Variants in KCNIP4 observed in about 807,000 individuals in gnomAD.
KCNIP4 encodes the protein potassium voltage-gated channel interacting protein 4.
A neutral mutation model predicts 34.0 loss-of-function variants in KCNIP4; 12 were observed. That is an observed-to-expected ratio of 0.35 (90% CI 0.23 to 0.57). The LOEUF (loss-of-function observed/expected upper bound fraction) is 0.57. Among genes scored for constraint, KCNIP4 ranks in the 20% least tolerant of loss-of-function variants. The pLI is 0.83. For synonymous variants in KCNIP4, 124 were observed against 102.2 expected, an observed-to-expected ratio of 1.21 and a Z score of -1.29; for missense variants, 238 against 311.7, an observed-to-expected ratio of 0.76 and a Z score of 1.78.
chr4:20,920,113 T>C (rs1215362964), intron 1 of KCNIP4, among the ~76,000 whole-genome samples: 1 of 152,234 alleles, frequency 6.6e-6, no homozygotes, highest in Non-Finnish European at 1.5e-5. Flanking sequence ...AATTTTCATA[T>C]ATTGAAATTT....
chr4:21,269,026 A>G (rs1426825986), intron 1 of KCNIP4, among the ~76,000 whole-genome samples: 2 of 152,206 alleles, frequency 1.3e-5, no homozygotes, highest in Non-Finnish European at 2.9e-5. Flanking sequence ...ACAAGATGGT[A>G]TGTCAAGGGG....
At chr4:21,661,818 G>T (rs1748476648) in intron 1 of KCNIP4, among the ~76,000 whole-genome samples, 1 of 152,116 alleles carries the variant, frequency 6.6e-6, no homozygotes, top group Non-Finnish European at 1.5e-5. Context: ...AAAAATGAAA[G>T]AAAAGATAAA....
chr4:21,110,466 G>A (rs530399373), intron 1 of KCNIP4, among the ~76,000 whole-genome samples: 15 of 152,334 alleles, frequency 9.8e-5, no homozygotes, highest in African/African-American at 2.9e-4. Context: ...GGGAGTCATC[G>A]TGTCAAACTT....
rs142118911 is a variant in KCNIP4 at position 21,897,133 on chromosome 4, T to C, written c.61+51438A>G. Among the ~76,000 whole-genome samples the C allele has an allele frequency of 8.7e-3, 1,327 of 152,246 alleles. 15 individuals carry two copies. The highest frequency in any genetic ancestry group is 0.034 in the South Asian group (163 of 4,826). The stretch of plus-strand genomic sequence containing the variant: ...AGACTTTAAAATTTATGCTTTACTT[T>C]TACTATAAGAGAACAGTATGCCCTT... On this transcript the variant is annotated intron_variant, in intron 1 of 8. Coordinates refer to ENST00000382152, the MANE Select transcript of KCNIP4 (RefSeq NM_025221.6).
chr4:21,472,608 C>T (rs1730567081), intron 1 of KCNIP4, among the ~76,000 whole-genome samples: 1 of 152,078 alleles, frequency 6.6e-6, no homozygotes, highest in Admixed American at 6.6e-5. Flanking sequence ...GTTTTTCACT[C>T]ATGAGTTTTG....
chr4:21,052,045 A>C (rs1442374636), intron 1 of KCNIP4, among the ~76,000 whole-genome samples: 1 of 152,172 alleles, frequency 6.6e-6, no homozygotes, highest in Non-Finnish European at 1.5e-5. Context: ...AAATAAAGAG[A>C]CCATTAGTGA....
chr4:21,204,320 T>C (rs753032448), intron 1 of KCNIP4, among the ~76,000 whole-genome samples: 8 of 152,188 alleles, frequency 5.3e-5, no homozygotes, highest in Non-Finnish European at 1.2e-4. Context: ...CTGGACTTCC[T>C]TGAGACTTAG....
intron 2 of KCNIP4, among the ~76,000 whole-genome samples, chr4:20,864,309 T>G (rs572481714): frequency 1.8e-4 from 27 of 151,362 alleles, no homozygotes; most frequent in Admixed American, 3.3e-4. Context: ...TGTATGCATA[T>G]ATACATACGT....
At chr4:20,851,867 C>T (rs1450967285) in intron 2 of KCNIP4, among the ~76,000 whole-genome samples, 2 of 152,250 alleles carry the variant, frequency 1.3e-5, no homozygotes, top group East Asian at 3.9e-4. Flanking sequence ...ATAATGTTCA[C>T]TAAGGATTCC....
At chr4:21,430,758 G>T (rs1276597047) in intron 1 of KCNIP4, among the ~76,000 whole-genome samples, 1 of 139,294 alleles carries the variant, frequency 7.2e-6, no homozygotes, top group South Asian at 2.1e-4. Flanking sequence ...ACTTACCCAA[G>T]GTCATTGAGG....
rs143205507 is a variant in KCNIP4, at chr4:20,747,387, A to G, written c.429+2275T>C. Among the ~76,000 whole-genome samples the G allele has an allele frequency of 3.9e-3, 595 of 152,312 alleles. 6 individuals carry two copies. The highest frequency in any genetic ancestry group is 0.013 in the African/African-American group (559 of 41,566). ...AAAACCTTTGGCTTCTATATTATAG[A>G]TAAATTAAGACTGTGCTGGAATTAA... On this transcript the variant is annotated intron_variant, in intron 5 of 8. Coordinates refer to ENST00000382152, the MANE Select transcript of KCNIP4 (RefSeq NM_025221.6).
In KCNIP4 at chr4:21,920,337, G is replaced by A. The variant is rs957457451; in HGVS notation, c.61+28234C>T. On this transcript the variant is annotated intron_variant, in intron 1 of 8. Transcript: ENST00000382152. The stretch of plus-strand genomic sequence containing the variant: ...ACTAAATATGTACAGACTTTTATGT[G>A]TCATCATTTCCTAAACTATATAGAA... Among the ~76,000 whole-genome samples the A allele has an allele frequency of 2.0e-5, 3 of 152,118 alleles. No homozygotes were observed. In the South Asian group the frequency reaches 6.2e-4, roughly 32 times the overall value.
intron 1 of KCNIP4, among the ~76,000 whole-genome samples, chr4:21,824,235 C>T (rs908652549): frequency 1.3e-5 from 2 of 152,206 alleles, no homozygotes; most frequent in Admixed American, 6.5e-5. Context: ...AATTTTGAAA[C>T]GAAGATCATA....
intron 1 of KCNIP4, among the ~76,000 whole-genome samples, chr4:21,568,999 A>G (rs1740139933): frequency 6.6e-6 from 1 of 152,002 alleles, no homozygotes; most frequent in Non-Finnish European, 1.5e-5. Flanking sequence ...ATACTAGGGA[A>G]GAGGCATGGG....
At chr4:21,725,729 C>G (rs1715147760) in intron 1 of KCNIP4, among the ~76,000 whole-genome samples, 1 of 152,028 alleles carries the variant, frequency 6.6e-6, no homozygotes, top group African/African-American at 2.4e-5. Context: ...GTTTATTTCC[C>G]CTTAGAACAG....
intron 1 of KCNIP4, among the ~76,000 whole-genome samples, chr4:21,775,810 A>G (rs1349370574): frequency 6.6e-6 from 1 of 152,226 alleles, no homozygotes; most frequent in Non-Finnish European, 1.5e-5. Context: ...TGGCTCCAGC[A>G]GGGGAAAAGC....
At chr4:21,519,642 GTGTGTATGTA>G (rs1481266879) in intron 1 of KCNIP4, among the ~76,000 whole-genome samples, 3 of 142,274 alleles carry the variant, frequency 2.1e-5, no homozygotes, top group African/African-American at 7.9e-5. Context: ...ACACAAATGT[GTGTGTATGTA>G]TGTGTATATA....
chr4:21,446,441 G>A (rs978148370), intron 1 of KCNIP4, among the ~76,000 whole-genome samples: 1 of 151,994 alleles, frequency 6.6e-6, no homozygotes, highest in African/African-American at 2.4e-5. Flanking sequence ...ATACTATGCA[G>A]CCATAAAAAA....
chr4:21,165,505 A>AT (rs1207136737), intron 1 of KCNIP4, among the ~76,000 whole-genome samples: 1 of 151,704 alleles, frequency 6.6e-6, no homozygotes, highest in Non-Finnish European at 1.5e-5. Context: ...AGGTATTCAA[A>AT]TGAAAATTAT....
Sources: gnomAD v4.1 joint callset for allele counts (sites outside exome capture counted in the v4.1 genomes callset) on GRCh38, gnomAD v4.1.1 for gene constraint, MANE v1.5 for transcripts, NCBI Gene and HGNC (gene_info 2026-07-23, HGNC 2026-07-21) for gene names.